The following ZFYVE26 variants were observed in gnomAD, a reference collection of about 807,000 sequenced individuals.
The protein encoded by ZFYVE26 is zinc finger FYVE-type containing 26.
In ZFYVE26, 181 loss-of-function variants were observed where a neutral mutation model predicts 276.5. The ratio of observed to expected loss-of-function variants is 0.65; its 90% CI spans 0.58 to 0.74. ZFYVE26 has a LOEUF of 0.74. Among genes scored for constraint, ZFYVE26 ranks in the 30% least tolerant of loss-of-function variants. The pLI is 0.00. For synonymous variants in ZFYVE26, 1,129 were observed against 1,203.1 expected (o/e 0.94, Z 1.27); for missense variants, 2,821 against 3,097.9 (o/e 0.91, Z 2.12).
chr14:67,778,127 T>A lies in ZFYVE26; in HGVS notation c.4796A>T (p.Gln1599Leu), dbSNP rs755653365. The change falls in exon 24 of 42, where the codon CAA (glutamine) becomes CTA (leucine). Residue 1599 changes from glutamine (Q) to leucine (L), a missense_variant and splice_region_variant. By Grantham distance (113) the Gln-to-Leu change is moderately radical. Transcript: ENST00000347230. ...LERRDHDKALQLLRRIPDPTM... is the reference protein window; with the variant it reads ...LERRDHDKALLLLRRIPDPTM... ...AAATGGAAAGAACTGGGGGCTTACT[T>A]GCAGAGCCTTGTCATGATCTCTTCT... 1.7e-5 allele frequency: 28 copies of A among 1,614,086 alleles called. 1 individual carries two copies. The South Asian group carries it at 3.0e-4, about 17-fold the overall frequency.
chr14:67,729,048 C>T, intron 14 of ZFYVE26: 1 of 841,262 alleles, frequency 1.2e-6, no homozygotes. Flanking sequence ...CAAATTCCGC[C>T]TGGCCAGGAG....
At chr14:67,763,034 C>T (rs1169782800) in intron 32 of ZFYVE26, among the ~76,000 whole-genome samples, 1 of 152,226 alleles carries the variant, frequency 6.6e-6, no homozygotes, top group Non-Finnish European at 1.5e-5. Context: ...TCTCCAGTAT[C>T]TGGGATTACA....
intron 31 of ZFYVE26, 111 bp from the exon 32 acceptor site, chr14:67,766,558 C>T (rs2039065113): frequency 9.8e-7 from 1 of 1,021,980 alleles, no homozygotes; most frequent in African/African-American, 1.6e-5. Context: ...GGCTGAAAGA[C>T]CCTGGAAGAA....
chr14:67,782,839 C>T lies in ZFYVE26; in HGVS notation c.4313G>A (p.Arg1438Gln), dbSNP rs755087444. 9 of 1,614,114 alleles carry T rather than the reference C, an allele frequency of 5.6e-6. No individual in the cohort carries two copies. Among genetic ancestry groups the T allele is most frequent in the East Asian group, 4.5e-5 (2 of 44,900 alleles). The change falls in exon 21 of 42, where the codon CGA (arginine) becomes CAA (glutamine). Residue 1438 changes from arginine (R) to glutamine (Q), a missense_variant. Physicochemically the swap from Arg to Gln is conservative, Grantham distance 43 (BLOSUM62 1). Transcript: ENST00000347230. ...RALQLTEVYGRDVDDLSSIKD... is the reference protein window; with the variant it reads ...RALQLTEVYGQDVDDLSSIKD... ...TATGCTGCTCAAATCGTCCACATCT[C>T]GCCCGTACACTTCAGTGAGCTGAAG...
chr14:67,795,393 C>T (rs895088466), intron 12 of ZFYVE26, among the ~76,000 whole-genome samples: 2 of 152,234 alleles, frequency 1.3e-5, no homozygotes, highest in Non-Finnish European at 2.9e-5. Flanking sequence ...GAGCTTGGTT[C>T]AAGAGTCAAC....
intron 29 of ZFYVE26, among the ~76,000 whole-genome samples, chr14:67,768,999 T>A (rs938632611): frequency 6.6e-6 from 1 of 152,020 alleles, no homozygotes; most frequent in African/African-American, 2.4e-5. Context: ...GCTCTAGGAG[T>A]CTTAGGTTCA....
chr14:67,772,415 C>A (rs1283406043), intron 27 of ZFYVE26, among the ~76,000 whole-genome samples: 1 of 152,206 alleles, frequency 6.6e-6, no homozygotes, highest in Non-Finnish European at 1.5e-5. Context: ...CACCTGCTAT[C>A]AAGTATACTT....
intron 30 of ZFYVE26, among the ~76,000 whole-genome samples, chr14:67,768,055 T>C (rs1222554772): frequency 1.3e-5 from 2 of 152,186 alleles, no homozygotes; most frequent in Non-Finnish European, 1.5e-5. Flanking sequence ...TTACAGTATT[T>C]GTCACGTAAC....
intron 14 of ZFYVE26, 56 bp downstream of exon 14, chr14:67,793,552 G>C: frequency 1.3e-6 from 2 of 1,589,960 alleles, no homozygotes; most frequent in Non-Finnish European, 1.7e-6. Context: ...TACATGCTCC[G>C]AGCCTTACCT....
In ZFYVE26 at chr14:67,775,124, G is replaced by A. The variant is rs370725103; in HGVS notation, c.5222-10C>T. On this transcript the variant is annotated splice_polypyrimidine_tract_variant and intron_variant, in intron 26 of 41. Coordinates refer to ENST00000347230, the MANE Select transcript of ZFYVE26 (RefSeq NM_015346.4). ...AGGTGAATCACAGAATCTGTAGAGA[G>A]GGAAAATGCTGACAAAATATGGTTC... The A allele has an allele frequency of 2.5e-6, 4 of 1,585,194 alleles. No individual in the cohort carries two copies. The African/African-American group carries it at 5.4e-5, about 21-fold the overall frequency.
At chr14:67,737,127 C>G (rs2038362146) in intron 13 of ZFYVE26, among the ~76,000 whole-genome samples, 1 of 126,424 alleles carries the variant, frequency 7.9e-6, no homozygotes, top group South Asian at 2.7e-4. Context: ...CAAGGTCTCT[C>G]TCTGTTGCCC....
At chr14:67,797,873 A>G in intron 11 of ZFYVE26, 118 bp from the exon 12 acceptor site, 1 of 1,576,488 alleles carries the variant, frequency 6.3e-7, no homozygotes. Flanking sequence ...AGCATACCCC[A>G]GTGTTCTGAC....
chr14:67,789,858 C>T (rs911609683), intron 15 of ZFYVE26, among the ~76,000 whole-genome samples: 21 of 152,100 alleles, frequency 1.4e-4, no homozygotes, highest in Admixed American at 9.2e-4. Flanking sequence ...GAAAGAATGA[C>T]GTAGATCTGT....
intron 13 of ZFYVE26, chr14:67,729,907 A>G (rs2038246791): frequency 2.3e-6 from 1 of 436,306 alleles, no homozygotes. Flanking sequence ...AGGGAAGCCC[A>G]GGGTGAAATC....
At position 67,782,981 on chromosome 14, in the gene ZFYVE26, G is replaced by T. The variant is rs1347292571; in HGVS notation, c.4171C>A (p.Leu1391Ile). 6.2e-7 allele frequency: 1 copy of T among 1,614,242 alleles called. No individual in the cohort carries two copies. Among genetic ancestry groups the T allele is most frequent in the East Asian group, 2.2e-5 (1 of 44,878 alleles). Reference protein sequence around the residue: ...LQQGQSLAVNLCGWASLSTVL... With the variant: ...LQQGQSLAVNICGWASLSTVL... ...GTAGAAAGACTGGCCCAACCACAGA[G>T]ATTCACTGCCAGACTCTGCCCCTGC... The change falls in exon 21 of 42, where the codon CTC becomes ATC. Residue 1391 changes from leucine to isoleucine, a missense_variant. By Grantham distance (5) the Leu-to-Ile change is conservative. Coordinates refer to ENST00000347230, the MANE Select transcript of ZFYVE26 (RefSeq NM_015346.4).
At chr14:67,733,919 A>G (rs548001125) in intron 13 of ZFYVE26, 2 of 1,151,130 alleles carry the variant, frequency 1.7e-6, no homozygotes, top group Admixed American at 3.6e-5. Context: ...GAGAAGGCCA[A>G]CCCTAAAGGA....
At chr14:67,789,149 TTGCTATGTCTATTTTGTCTCTCAACA>T (rs2039741836) in intron 16 of ZFYVE26, among the ~76,000 whole-genome samples, 160 bp downstream of exon 16, 1 of 152,220 alleles carries the variant, frequency 6.6e-6, no homozygotes, top group African/African-American at 2.4e-5. Context: ...TTTCCCCAAA[TTGCTATGTCTATTTTGTCTCTCAACA>T]GACTGTATTT....
At chr14:67,776,243 T>G in intron 25 of ZFYVE26, 137 bp from the exon 26 acceptor site, 1 of 1,254,958 alleles carries the variant, frequency 8.0e-7, no homozygotes, top group East Asian at 2.4e-5. Context: ...ACTCGCAGTC[T>G]TTTAGGAAGG....
rs545330467 is a variant in ZFYVE26 at position 67,767,728 on chromosome 14, C to T, written c.5766G>A (p.Val1922=). The T allele has an allele frequency of 5.5e-5, 89 of 1,614,192 alleles. 1 individual carries two copies. The South Asian group carries it at 6.9e-4, about 13-fold the overall frequency. The change falls in exon 31 of 42, where the codon GTG becomes GTA. Residue 1922 remains valine (V), a synonymous_variant. Transcript: ENST00000347230. ...LDLKEEENEL[V]RSEFYYEQAP... ...CCTGCTCATAGTAAAATTCACTCCG[C>T]ACCAGCTCATTTTCCTCCTCTTTGA...
Sources: gnomAD v4.1 joint callset for allele counts (sites outside exome capture counted in the v4.1 genomes callset) on GRCh38, gnomAD v4.1.1 for gene constraint, MANE v1.5 for transcripts, NCBI Gene and HGNC (gene_info 2026-07-23, HGNC 2026-07-21) for gene names.